The following KCNIP1 variants were observed in gnomAD, a reference collection of about 807,000 sequenced individuals.
KCNIP1 encodes the protein A-type potassium channel modulatory protein KCNIP1.
Under a neutral mutation model 33.0 loss-of-function variants are expected in KCNIP1, and 18 were observed. That is an observed-to-expected ratio of 0.55 (90% CI 0.38 to 0.81). KCNIP1 has a LOEUF of 0.81. KCNIP1 is among the 30% of genes least tolerant of loss of function. The pLI is 0.00. For synonymous variants in KCNIP1, 93 were observed against 98.3 expected (o/e 0.95, Z 0.32); for missense variants, 238 against 271.6 (o/e 0.88, Z 0.87).
At chr5:170,353,789 C>T in exon 1 of KCNIP1, 1 of 1,223,940 alleles carries the variant, frequency 8.2e-7, no homozygotes, top group Non-Finnish European at 1.2e-6. Flanking sequence ...GTTCATTCAC[C>T]CAGGCAGGCT....
At chr5:170,598,134 G>A (rs562458866) in intron 1 of KCNIP1, among the ~76,000 whole-genome samples, 41 of 152,224 alleles carry the variant, frequency 2.7e-4, no homozygotes, top group East Asian at 1.9e-3. Flanking sequence ...TAATCAGACC[G>A]TGTATTTTAG....
At chr5:170,655,460 C>T (rs975757345) in intron 1 of KCNIP1, among the ~76,000 whole-genome samples, 5 of 152,306 alleles carry the variant, frequency 3.3e-5, no homozygotes, top group African/African-American at 1.2e-4. Context: ...TGGTTGAATT[C>T]GCATGCACCA....
At chr5:170,603,965 T>G (rs1339760351) in intron 1 of KCNIP1, among the ~76,000 whole-genome samples, 1 of 152,110 alleles carries the variant, frequency 6.6e-6, no homozygotes, top group Non-Finnish European at 1.5e-5. Context: ...GAAGAAACTG[T>G]GAGTAAAGGA....
chr5:170,469,647 G>A (rs1247525217), intron 1 of KCNIP1, among the ~76,000 whole-genome samples: 5 of 152,024 alleles, frequency 3.3e-5, no homozygotes, highest in African/African-American at 1.2e-4. Flanking sequence ...TACCAAACCC[G>A]CTAGAGGCTT....
At chr5:170,661,946 C>T (rs554441542) in intron 1 of KCNIP1, among the ~76,000 whole-genome samples, 2 of 152,280 alleles carry the variant, frequency 1.3e-5, no homozygotes, top group East Asian at 3.9e-4. Context: ...AAGGCTCGAG[C>T]ACAACGCAGC....
chr5:170,610,853 C>G (rs574292380), intron 1 of KCNIP1, among the ~76,000 whole-genome samples: 2 of 152,318 alleles, frequency 1.3e-5, no homozygotes, highest in East Asian at 3.9e-4. Context: ...TCTCCTGCCA[C>G]CATCTGTCCT....
chr5:170,439,935 C>T (rs543866747), intron 1 of KCNIP1, among the ~76,000 whole-genome samples: 7 of 152,182 alleles, frequency 4.6e-5, no homozygotes, highest in African/African-American at 1.4e-4. Context: ...CGGCCATCCC[C>T]GTGCCACAGG....
At chr5:170,612,907 C>T (rs1428593951) in intron 1 of KCNIP1, among the ~76,000 whole-genome samples, 2 of 152,210 alleles carry the variant, frequency 1.3e-5, no homozygotes, top group African/African-American at 2.4e-5. Flanking sequence ...GGTTCCTTCC[C>T]CCAGGTCTCT....
intron 1 of KCNIP1, among the ~76,000 whole-genome samples, chr5:170,408,796 G>C (rs535570407): frequency 6.4e-4 from 98 of 152,288 alleles, no homozygotes; most frequent in Non-Finnish European, 1.1e-3. Context: ...AAAGAAAAAA[G>C]AATGCACAGA....
At chr5:170,616,674 A>G (rs1387418152) in intron 1 of KCNIP1, among the ~76,000 whole-genome samples, 2 of 152,134 alleles carry the variant, frequency 1.3e-5, no homozygotes, top group Non-Finnish European at 2.9e-5. Context: ...TAGATACTCA[A>G]TCTGGCACTC....
intron 1 of KCNIP1, chr5:170,376,150 C>CTTTTTTTTTTT (rs397885011): frequency 9.9e-5 from 7 of 70,650 alleles, no homozygotes; most frequent in East Asian, 4.6e-4. Flanking sequence ...ATGACTTATT[C>CTTTTTTTTTTT]TTTTTTTTTT....
chr5:170,530,363 C>T (rs1755743680), intron 1 of KCNIP1, among the ~76,000 whole-genome samples: 1 of 152,202 alleles, frequency 6.6e-6, no homozygotes, highest in Admixed American at 6.5e-5. Flanking sequence ...TTTTAGTCCT[C>T]CCAGTAATAC....
intron 1 of KCNIP1, among the ~76,000 whole-genome samples, chr5:170,553,386 T>G (rs1443502043): frequency 6.6e-6 from 1 of 152,216 alleles, no homozygotes; most frequent in Non-Finnish European, 1.5e-5. Flanking sequence ...AGAACTATCA[T>G]TATTCCCATT....
At chr5:170,562,869 C>T (rs1309641323) in intron 1 of KCNIP1, among the ~76,000 whole-genome samples, 1 of 152,214 alleles carries the variant, frequency 6.6e-6, no homozygotes, top group African/African-American at 2.4e-5. Flanking sequence ...TCACATGGGA[C>T]CCATGCTCCT....
chr5:170,434,334 G>C (rs1454888207), intron 1 of KCNIP1, among the ~76,000 whole-genome samples: 1 of 152,186 alleles, frequency 6.6e-6, no homozygotes, highest in Non-Finnish European at 1.5e-5. Flanking sequence ...ATTTAGAATA[G>C]AGCATGAAAT....
chr5:170,675,218 G>A (rs530457641), intron 1 of KCNIP1, among the ~76,000 whole-genome samples: 4 of 151,922 alleles, frequency 2.6e-5, no homozygotes, highest in Non-Finnish European at 5.9e-5. Context: ...GGGATCACTC[G>A]AGCCCAGGGG....
chr5:170,654,559 T>C (rs1180065767), intron 1 of KCNIP1, among the ~76,000 whole-genome samples: 1 of 152,186 alleles, frequency 6.6e-6, no homozygotes, highest in Non-Finnish European at 1.5e-5. Flanking sequence ...TTAATGAGGG[T>C]AAAAGATATT....
At chr5:170,444,556 G>A (rs981507866) in intron 1 of KCNIP1, among the ~76,000 whole-genome samples, 3 of 152,082 alleles carry the variant, frequency 2.0e-5, no homozygotes, top group African/African-American at 7.3e-5. Context: ...ATGAGGATGC[G>A]GATGTCTTTA....
intron 1 of KCNIP1, among the ~76,000 whole-genome samples, chr5:170,516,095 A>G (rs1298287462): frequency 6.6e-6 from 1 of 152,188 alleles, no homozygotes; most frequent in African/African-American, 2.4e-5. Context: ...GGCAAGGAGC[A>G]GAGTCAGGCT....
Sources: allele counts gnomAD v4.1 joint callset (sites outside exome capture counted in the v4.1 genomes callset), GRCh38; gene constraint gnomAD v4.1.1; transcripts MANE v1.5; gene names NCBI Gene and HGNC (gene_info 2026-07-23, HGNC 2026-07-21).